The following COL5A2 variants were observed in gnomAD, a reference collection of about 807,000 sequenced individuals.
COL5A2 encodes collagen alpha-2(V) chain.
In COL5A2, 23 loss-of-function variants were observed where a neutral mutation model predicts 208.2. That is an observed-to-expected ratio of 0.11 (90% CI 0.08 to 0.16). The LOEUF is 0.16. COL5A2 is among the 10% of genes least tolerant of loss of function. The pLI is 1.00. For missense variants in COL5A2, 1,590 were observed against 1,956.4 expected (o/e 0.81, Z 3.53); for synonymous variants, 625 against 628.5 (o/e 0.99, Z 0.08).
chr2:189,152,930 A>G (rs2105789671), intron 1 of COL5A2, among the ~76,000 whole-genome samples: 1 of 152,296 alleles, frequency 6.6e-6, no homozygotes, highest in Non-Finnish European at 1.5e-5. Context: ...CTGTAAAATC[A>G]ACACGTGTTT....
rs180916723 is a variant in COL5A2 at position 189,068,575 on chromosome 2, C to A, written c.1257+211G>T. Among the ~76,000 whole-genome samples the A allele has an allele frequency of 4.4e-3, 667 of 152,190 alleles. 6 individuals are homozygous for A. Among genetic ancestry groups the A allele is most frequent in the Non-Finnish European group, 7.2e-3 (488 of 68,008 alleles). ...AAAAGAGGACTTAAAATGTTCCCAA[C>A]ACATAGAAGTGATATATGCTCAATG... is the stretch of plus-strand genomic sequence containing the variant. On this transcript the variant is annotated intron_variant, in intron 19 of 53. Transcript: ENST00000374866.
intron 23 of COL5A2, 149 bp from the exon 24 acceptor site, chr2:189,065,206 C>T (rs528965015): frequency 1.2e-5 from 9 of 740,334 alleles, no homozygotes; most frequent in African/African-American, 5.3e-5. Flanking sequence ...AAATCTGACT[C>T]GATGGAAAAA....
chr2:189,065,076 T>G lies in COL5A2; in HGVS notation c.1564-19A>C. ...GAGCACCCTACAAATGACCAAAATG[T>G]GATTCTTAATTGTTGTTGATATTTT... On this transcript the variant is annotated intron_variant, in intron 23 of 53. Coordinates refer to ENST00000374866, the MANE Select transcript of COL5A2 (RefSeq NM_000393.5). 6.2e-7 allele frequency: 1 copy of G among 1,611,646 alleles called. No homozygotes were observed. Among genetic ancestry groups the G allele is most frequent in the Non-Finnish European group, 8.5e-7 (1 of 1,178,396 alleles).
chr2:189,291,608 G>T, the COL5A2 span, among the ~76,000 whole-genome samples: 5 of 151,908 alleles, frequency 3.3e-5, no homozygotes, highest in Non-Finnish European at 5.9e-5. Flanking sequence ...TTACTTTCAT[G>T]GCAGAAGTAC....
the COL5A2 span, among the ~76,000 whole-genome samples, chr2:189,343,807 G>T: frequency 6.6e-6 from 1 of 152,052 alleles, no homozygotes; most frequent in African/African-American, 2.4e-5. Context: ...GTCACACAAA[G>T]GTTACTTGTG....
chr2:189,109,749 G>A (rs1175010309), intron 2 of COL5A2, among the ~76,000 whole-genome samples: 1 of 152,110 alleles, frequency 6.6e-6, no homozygotes, highest in Non-Finnish European at 1.5e-5. Context: ...AACATGAAAA[G>A]CATTCTGCAT....
chr2:189,097,636 G>C (rs1686949059), intron 5 of COL5A2: 2 of 551,606 alleles, frequency 3.6e-6, no homozygotes, highest in Non-Finnish European at 6.9e-6. Context: ...CATATTTGCT[G>C]TCTTCTCCCA....
the COL5A2 span, among the ~76,000 whole-genome samples, chr2:189,279,339 C>A: frequency 6.6e-6 from 1 of 151,438 alleles, no homozygotes; most frequent in African/African-American, 2.4e-5. Context: ...TAGATGATAG[C>A]AAAGAGAAAT....
the COL5A2 span, among the ~76,000 whole-genome samples, chr2:189,297,928 C>T: frequency 2.0e-5 from 3 of 152,210 alleles, no homozygotes; most frequent in Middle Eastern, 3.4e-3. Context: ...TTTCTCATTC[C>T]TTAATGTTAT....
intron 49 of COL5A2, among the ~76,000 whole-genome samples, chr2:189,042,155 A>AT (rs1162686736): frequency 6.6e-6 from 1 of 151,976 alleles, no homozygotes; most frequent in Non-Finnish European, 1.5e-5. Context: ...ATTTTTTCTA[A>AT]TTTTTTCTAC....
intron 1 of COL5A2, among the ~76,000 whole-genome samples, chr2:189,217,153 T>C (rs1326530064): frequency 6.6e-6 from 1 of 152,154 alleles, no homozygotes; most frequent in Non-Finnish European, 1.5e-5. Context: ...CGTACAGTTT[T>C]TGCATTTATT....
At chr2:189,185,194 A>G (rs1200111544) in intron 1 of COL5A2, among the ~76,000 whole-genome samples, 1 of 151,708 alleles carries the variant, frequency 6.6e-6, no homozygotes, top group Non-Finnish European at 1.5e-5. Context: ...TGGCTAATTT[A>G]TTGTATCTTT....
chr2:189,148,702 A>C (rs1368020795), intron 1 of COL5A2, among the ~76,000 whole-genome samples: 3 of 152,240 alleles, frequency 2.0e-5, no homozygotes, highest in African/African-American at 7.2e-5. Context: ...TCATAGATTT[A>C]GGTGAATCTT....
the COL5A2 span, among the ~76,000 whole-genome samples, chr2:189,337,892 C>G: frequency 6.6e-6 from 1 of 151,792 alleles, no homozygotes; most frequent in South Asian, 2.1e-4. Flanking sequence ...CCCAGAGGTT[C>G]CTGTTTGCAT....
chr2:189,229,646 C>T (rs1299782872), upstream of COL5A2, among the ~76,000 whole-genome samples: 1 of 151,380 alleles, frequency 6.6e-6, no homozygotes, highest in Non-Finnish European at 1.5e-5. Flanking sequence ...GACTTGTACA[C>T]TAAAAACTAT....
At chr2:189,262,201 C>T in the COL5A2 span, among the ~76,000 whole-genome samples, 1 of 152,034 alleles carries the variant, frequency 6.6e-6, no homozygotes, top group Non-Finnish European at 1.5e-5. Flanking sequence ...TCCCATCTAG[C>T]CTTCCAGTTG....
chr2:189,191,905 A>C (rs1559142323), intron 1 of COL5A2, among the ~76,000 whole-genome samples: 3 of 152,046 alleles, frequency 2.0e-5, no homozygotes, highest in Non-Finnish European at 4.4e-5. Context: ...AAAAAAAAAA[A>C]GCACTTCTAC....
Position 189,050,478 on chromosome 2 carries a change from T to G in COL5A2, c.3039+91A>C, listed in dbSNP as rs555743618. ...TAATGTCCCTACAATACTGTTTAAA[T>G]CTATTCATCAAGCAAAAAAAATAAA... On this transcript the variant is annotated intron_variant, in intron 43 of 53. Transcript: ENST00000374866. 1.3e-5 allele frequency: 14 copies of G among 1,060,380 alleles called. No homozygotes were observed. The South Asian group carries it at 1.5e-4, about 11-fold the overall frequency. 65.7% of individuals were successfully genotyped at this position (1,060,380 alleles called of 1,614,324 possible). A position where few individuals can be genotyped will look rare whatever the true frequency, so the allele number is the denominator to read the frequency against.
At chr2:189,187,955 C>T (rs1280904557) in intron 1 of COL5A2, among the ~76,000 whole-genome samples, 1 of 131,956 alleles carries the variant, frequency 7.6e-6, no homozygotes, top group African/African-American at 2.6e-5. Flanking sequence ...GGCAACGGAG[C>T]GAGACTCTGT....
Sources: allele counts gnomAD v4.1 joint callset (sites outside exome capture counted in the v4.1 genomes callset), GRCh38; gene constraint gnomAD v4.1.1; transcripts MANE v1.5; gene names NCBI Gene and HGNC (gene_info 2026-07-23, HGNC 2026-07-21).